The following DIAPH3 variants were observed in gnomAD, a reference collection of about 807,000 sequenced individuals.
The protein encoded by DIAPH3 is protein diaphanous homolog 3.
A neutral mutation model predicts 144.3 loss-of-function variants in DIAPH3; 117 were observed. That is an observed-to-expected ratio of 0.81 (90% CI 0.70 to 0.95). DIAPH3 has a LOEUF of 0.95. DIAPH3 is among the 40% of genes least tolerant of loss of function. The probability of loss-of-function intolerance (pLI) is 0.00; values close to 1 mark genes in which losing one functional copy is unlikely to be tolerated. For missense variants in DIAPH3, 1,421 were observed against 1,412.7 expected (o/e 1.01, Z -0.09); for synonymous variants, 519 against 488.9 (o/e 1.06, Z -0.81).
chr13:59,757,142 A>G (rs1466978607), intron 27 of DIAPH3, among the ~76,000 whole-genome samples: 1 of 152,138 alleles, frequency 6.6e-6, no homozygotes, highest in African/African-American at 2.4e-5. Context: ...GATAGTAAAA[A>G]TTCTGAGACA....
At chr13:60,108,146 G>A (rs1300397430) in intron 3 of DIAPH3, among the ~76,000 whole-genome samples, 1 of 152,054 alleles carries the variant, frequency 6.6e-6, no homozygotes, top group Admixed American at 6.6e-5. Context: ...GGATGATACT[G>A]CATGGATATA....
chr13:59,903,019 T>A (rs542154408), intron 20 of DIAPH3, among the ~76,000 whole-genome samples: 1 of 152,158 alleles, frequency 6.6e-6, no homozygotes, highest in Non-Finnish European at 1.5e-5. Context: ...AGTGGATGAA[T>A]GGAACTTCTC....
chr13:60,105,125 A>AAAAAAAAAAAAAAC (rs2058383698), intron 3 of DIAPH3, among the ~76,000 whole-genome samples: 4 of 148,632 alleles, frequency 2.7e-5, no homozygotes, highest in African/African-American at 9.9e-5. Context: ...AAAAAAAAAA[A>AAAAAAAAAAAAAAC]CTGCCAGTGA....
intron 17 of DIAPH3, among the ~76,000 whole-genome samples, chr13:59,946,687 T>C (rs181346708): frequency 4.6e-5 from 7 of 152,334 alleles, no homozygotes; most frequent in Non-Finnish European, 8.8e-5. Flanking sequence ...ACAGCTATTG[T>C]GTACAATATT....
intron 27 of DIAPH3, among the ~76,000 whole-genome samples, chr13:59,723,645 C>T (rs2035456705): frequency 2.0e-5 from 3 of 151,360 alleles, no homozygotes; most frequent in East Asian, 1.9e-4. Flanking sequence ...AAGTCTCACA[C>T]TGTCACCTGG....
At chr13:60,075,480 A>C (rs2057349747) in intron 4 of DIAPH3, among the ~76,000 whole-genome samples, 1 of 152,168 alleles carries the variant, frequency 6.6e-6, no homozygotes, top group African/African-American at 2.4e-5. Flanking sequence ...TAACCTGCTC[A>C]ATAGCACTCT....
intron 26 of DIAPH3, 107 bp from the exon 27 acceptor site, chr13:59,774,355 A>G (rs2139278300): frequency 1.1e-6 from 1 of 886,434 alleles, no homozygotes; most frequent in Non-Finnish European, 1.8e-6. Flanking sequence ...TTCTGGCAGC[A>G]AAGTAATGCT....
At position 59,862,871 on chromosome 13, in the gene DIAPH3, C is replaced by T. The variant is rs113168743; in HGVS notation, c.2608-1335G>A. Reference sequence around the variant, plus strand: ...CTAAAAACTGGTTAAACAAGTAAGACATTTTTGCTCTCCAAGAACCAACTT... The same window carrying T: ...CTAAAAACTGGTTAAACAAGTAAGATATTTTTGCTCTCCAAGAACCAACTT... On this transcript the variant is annotated intron_variant, in intron 21 of 27. Coordinates refer to ENST00000400324, the MANE Select transcript of DIAPH3 (RefSeq NM_001042517.2). Among the ~76,000 whole-genome samples the T allele has an allele frequency of 2.6e-3, 395 of 152,178 alleles. 1 individual carries two copies. The highest frequency in any genetic ancestry group is 8.9e-3 in the African/African-American group (371 of 41,534).
chr13:59,775,326 C>T (rs341548), intron 25 of DIAPH3, among the ~76,000 whole-genome samples: 99,870 of 151,968 alleles, frequency 0.66, 33,290 homozygotes, highest in East Asian at 0.72. Context: ...CACTGCAAGC[C>T]CTGCCTTCCA....
chr13:59,862,619 T>C (rs1053003203), intron 21 of DIAPH3, among the ~76,000 whole-genome samples: 1 of 152,130 alleles, frequency 6.6e-6, no homozygotes, highest in Non-Finnish European at 1.5e-5. Context: ...GAAAATTGTT[T>C]TGGACAAGGT....
chr13:60,027,021 C>T (rs1163541385), intron 5 of DIAPH3, among the ~76,000 whole-genome samples: 1 of 152,174 alleles, frequency 6.6e-6, no homozygotes, highest in African/African-American at 2.4e-5. Flanking sequence ...GGAAGGTCAG[C>T]TTTAATACTG....
At chr13:59,667,493 T>A (rs1424515953) in intron 27 of DIAPH3, among the ~76,000 whole-genome samples, 1 of 152,214 alleles carries the variant, frequency 6.6e-6, no homozygotes, top group Non-Finnish European at 1.5e-5. Context: ...TTAATTTCCT[T>A]TTTGAATGAA....
At chr13:59,689,790 A>AGTGTGTGTGTGT (rs57544810) in intron 27 of DIAPH3, among the ~76,000 whole-genome samples, 2 of 149,872 alleles carry the variant, frequency 1.3e-5, no homozygotes, top group Admixed American at 6.7e-5. Context: ...TGTATTAAGC[A>AGTGTGTGTGTGT]GTGTGTGTGT....
chr13:59,891,546 C>T (rs994360075), intron 20 of DIAPH3, among the ~76,000 whole-genome samples: 8 of 151,270 alleles, frequency 5.3e-5, no homozygotes, highest in Non-Finnish European at 1.2e-4. Flanking sequence ...ATTTTAAATC[C>T]CATATAAGAA....
intron 1 of DIAPH3, among the ~76,000 whole-genome samples, chr13:60,159,979 A>G (rs2138476387): frequency 6.6e-6 from 1 of 152,286 alleles, no homozygotes; most frequent in South Asian, 2.1e-4. Flanking sequence ...TAATCCCAGC[A>G]CTTTGGGAGG....
At chr13:59,908,365 G>GTC (rs1249298509) in intron 20 of DIAPH3, among the ~76,000 whole-genome samples, 3 of 67,332 alleles carry the variant, frequency 4.5e-5, no homozygotes, top group African/African-American at 1.7e-4. Context: ...GCTAGACTCT[G>GTC]TCTCAAAAAA....
chr13:59,832,863 A>C (rs898879322), intron 24 of DIAPH3: 7 of 422,528 alleles, frequency 1.7e-5, no homozygotes, highest in Non-Finnish European at 2.2e-5. Flanking sequence ...GGGAGTCTTT[A>C]TGAAGAACTT....
At position 59,785,164 on chromosome 13, in the gene DIAPH3, T is replaced by C. The variant is rs552974473; in HGVS notation, c.3164-10341A>G. Among the ~76,000 whole-genome samples, 4 of 152,304 alleles carry C rather than the reference T, an allele frequency of 2.6e-5. No individual in the cohort carries two copies. The South Asian group carries it at 8.3e-4, about 32-fold the overall frequency. On this transcript the variant is annotated intron_variant, in intron 25 of 27. Coordinates refer to ENST00000400324, the MANE Select transcript of DIAPH3 (RefSeq NM_001042517.2). ...AAAATGATAATCAGAACAGTTCTCT[T>C]TCATACTGTAATTAAGTGACTGGCT...
In DIAPH3 at chr13:60,036,894, G is replaced by A. The variant is rs1387368631; in HGVS notation, c.626+5796C>T. Among the ~76,000 whole-genome samples the A allele has an allele frequency of 5.3e-5, 8 of 151,896 alleles. No homozygotes were observed. The East Asian group carries it at 1.5e-3, about 29-fold the overall frequency. On this transcript the variant is annotated intron_variant, in intron 5 of 27. Transcript: ENST00000400324. ...GTCTAACATATACAAAATTAGAGGG[G>A]AAAAGGCAATACTTGACAAAACAAT...
Sources: allele counts gnomAD v4.1 joint callset (sites outside exome capture counted in the v4.1 genomes callset), GRCh38; gene constraint gnomAD v4.1.1; transcripts MANE v1.5; gene names NCBI Gene and HGNC (gene_info 2026-07-23, HGNC 2026-07-21).